The following TSGA10 variants were observed in gnomAD, a reference collection of about 807,000 sequenced individuals.
The protein encoded by TSGA10 is testis specific 10.
In TSGA10, 43 loss-of-function variants were observed where a neutral mutation model predicts 96.6. The observed-to-expected ratio is 0.44, with a 90% confidence interval of 0.35 to 0.57. TSGA10 has a LOEUF of 0.57. Among genes scored for constraint, TSGA10 ranks in the 20% least tolerant of loss-of-function variants. TSGA10 has a pLI of 0.01. For synonymous variants in TSGA10, 229 were observed against 269.9 expected (o/e 0.85, Z 1.48); for missense variants, 703 against 834.4 (o/e 0.84, Z 1.94).
At chr2:99,018,480 C>T (rs1395697119) in intron 19 of TSGA10, 56 bp downstream of exon 19, 1 of 1,584,406 alleles carries the variant, frequency 6.3e-7, no homozygotes, top group Non-Finnish European at 8.6e-7. Context: ...ACCTAAGAAA[C>T]AATGCTTTCC....
chr2:99,009,571 CAAAAAAAAAAA>C (rs765452742), intron 20 of TSGA10, among the ~76,000 whole-genome samples: 10 of 45,458 alleles, frequency 2.2e-4, no homozygotes, highest in African/African-American at 3.1e-4. Flanking sequence ...GACCCTGTCT[CAAAAAAAAAAA>C]AAAAAAAAAA....
Position 99,110,888 on chromosome 2 carries a change from T to C in TSGA10, c.-112A>G, listed in dbSNP as rs2091745190. ...TTTATTGTATCTTCCAATACTATAA[T>C]ATTATTTTGCTGGCAAATGAGATCA... On this transcript the variant is annotated 5_prime_UTR_variant, in exon 5 of 21. In the 5' UTR this introduces an upstream ATG that the reference lacks. Transcript: ENST00000393483. 1 of 764,472 alleles carries C rather than the reference T, an allele frequency of 1.3e-6. No homozygotes were observed. Among genetic ancestry groups the C allele is most frequent in the Non-Finnish European group, 1.6e-6 (1 of 629,100 alleles). 47.4% of individuals were successfully genotyped at this position (764,472 alleles called of 1,614,324 possible).
intron 4 of TSGA10, among the ~76,000 whole-genome samples, chr2:99,112,297 A>C (rs2091888025): frequency 6.6e-6 from 1 of 152,186 alleles, no homozygotes; most frequent in Admixed American, 6.5e-5. Context: ...AATAGTCAAA[A>C]TATGTTAGTG....
At chr2:99,047,610 C>G (rs2082928641) in intron 16 of TSGA10, among the ~76,000 whole-genome samples, 1 of 152,120 alleles carries the variant, frequency 6.6e-6, no homozygotes, top group African/African-American at 2.4e-5. Context: ...AAACCCACAG[C>G]CAATATCATA....
chr2:99,110,978 A>C, intron 4 of TSGA10, 63 bp from the exon 5 acceptor site: 1 of 422,544 alleles, frequency 2.4e-6, no homozygotes, highest in Non-Finnish European at 3.2e-6. Context: ...TAATTGGAAA[A>C]AGAACATCAA....
intron 10 of TSGA10, among the ~76,000 whole-genome samples, chr2:99,090,117 C>T (rs1029518833): frequency 2.0e-5 from 3 of 152,152 alleles, no homozygotes; most frequent in Non-Finnish European, 2.9e-5. Flanking sequence ...CAGTACCAGC[C>T]CAGAACCTGG....
At chr2:99,053,922 CAGA>C (rs1477200558) in intron 16 of TSGA10, among the ~76,000 whole-genome samples, 2 of 151,972 alleles carry the variant, frequency 1.3e-5, no homozygotes, top group Non-Finnish European at 2.9e-5. Context: ...GTTTACAGAT[CAGA>C]AGAATTAATA....
At chr2:99,020,511 T>G (rs746893218) in intron 17 of TSGA10, 29 bp from the exon 18 acceptor site, 6 of 1,499,552 alleles carry the variant, frequency 4.0e-6, no homozygotes, top group Non-Finnish European at 4.6e-6. Flanking sequence ...ATATCTACAC[T>G]TATTCCCATT....
At chr2:99,138,660 G>C (rs2093416287) in intron 1 of TSGA10, among the ~76,000 whole-genome samples, 1 of 152,224 alleles carries the variant, frequency 6.6e-6, no homozygotes, top group South Asian at 2.1e-4. Context: ...GACAACCAAG[G>C]TTGTGGAAAC....
chr2:99,104,648 T>G (rs979552108), intron 9 of TSGA10, among the ~76,000 whole-genome samples: 1 of 152,136 alleles, frequency 6.6e-6, no homozygotes, highest in Admixed American at 6.5e-5. Flanking sequence ...CAAATTTTCA[T>G]ATTTTTAGTA....
intron 10 of TSGA10, among the ~76,000 whole-genome samples, chr2:99,092,679 C>T (rs1031935466): frequency 4.6e-5 from 7 of 151,954 alleles, no homozygotes; most frequent in East Asian, 1.9e-4. Flanking sequence ...CTAGAGGAGA[C>T]GGATAAATTC....
At chr2:99,120,619 T>C (rs900014492) in intron 2 of TSGA10, among the ~76,000 whole-genome samples, 6 of 152,182 alleles carry the variant, frequency 3.9e-5, no homozygotes, top group Non-Finnish European at 7.4e-5. Flanking sequence ...TTAAATAAGA[T>C]TCACAGGAAG....
At chr2:99,123,515 CTTGT>C (rs1285609326) in intron 2 of TSGA10, among the ~76,000 whole-genome samples, 3 of 152,008 alleles carry the variant, frequency 2.0e-5, no homozygotes, top group South Asian at 2.1e-4. Flanking sequence ...ATTTTTAAAG[CTTGT>C]TTTATTGTCA....
rs372763994 is a variant in TSGA10 at position 99,059,667 on chromosome 2, T to A, written c.1404+5272A>T. 1.8e-4 allele frequency among the ~76,000 whole-genome samples: 26 copies of A among 143,616 alleles called. No individual in the cohort carries two copies. In the East Asian group the frequency reaches 4.2e-3, roughly 23 times the overall value. The allele number at this position is 143,616 out of a possible 152,430, so 94.2% of individuals were successfully genotyped here. ...GGAAACACACACACACAACTTTAAG[T>A]AAACTTGTAAGACAAGGGAATGTTT... On this transcript the variant is annotated intron_variant, in intron 16 of 20. Coordinates refer to ENST00000393483, the MANE Select transcript of TSGA10 (RefSeq NM_025244.4).
chr2:99,070,005 G>A (rs760148247), intron 14 of TSGA10, among the ~76,000 whole-genome samples: 10 of 151,762 alleles, frequency 6.6e-5, no homozygotes, highest in East Asian at 1.9e-4. Context: ...CCACTTTCTC[G>A]TCTTCTGCAA....
intron 15 of TSGA10, among the ~76,000 whole-genome samples, chr2:99,068,663 G>A (rs1455751155): frequency 6.6e-6 from 1 of 152,146 alleles, no homozygotes; most frequent in Non-Finnish European, 1.5e-5. Context: ...CAGTTAGGAA[G>A]ATTCTGCTTG....
At chr2:98,999,145 C>T (rs989243515) in intron 20 of TSGA10, among the ~76,000 whole-genome samples, 6 of 152,094 alleles carry the variant, frequency 3.9e-5, no homozygotes, top group African/African-American at 1.4e-4. Flanking sequence ...ATCCTCCCAC[C>T]TCAGCCTCCT....
chr2:99,011,456 C>T (rs1003522408), intron 20 of TSGA10, among the ~76,000 whole-genome samples: 2 of 152,026 alleles, frequency 1.3e-5, no homozygotes, highest in Admixed American at 1.3e-4. Flanking sequence ...AGAATTAGCC[C>T]AATCAGACAA....
At chr2:99,100,594 G>A (rs1349622555) in intron 10 of TSGA10, among the ~76,000 whole-genome samples, 1 of 152,052 alleles carries the variant, frequency 6.6e-6, no homozygotes, top group African/African-American at 2.4e-5. Flanking sequence ...GCCGAGGCGG[G>A]CAGATCACGA....
Sources: gnomAD v4.1 joint callset for allele counts (sites outside exome capture counted in the v4.1 genomes callset) on GRCh38, gnomAD v4.1.1 for gene constraint, MANE v1.5 for transcripts, NCBI Gene and HGNC (gene_info 2026-07-23, HGNC 2026-07-21) for gene names.